Variants in KLHL31 observed in about 807,000 individuals in gnomAD.
The protein encoded by KLHL31 is kelch like family member 31, also known as kelch-like protein 31.
A neutral mutation model predicts 47.1 loss-of-function variants in KLHL31; 32 were observed. That is an observed-to-expected ratio of 0.68 (90% CI 0.51 to 0.91). The LOEUF (loss-of-function observed/expected upper bound fraction) is 0.91. KLHL31 is among the 40% of genes least tolerant of loss of function. The probability of loss-of-function intolerance (pLI) is 0.00; values close to 1 mark genes in which losing one functional copy is unlikely to be tolerated. For synonymous variants in KLHL31, 330 were observed against 325.1 expected (o/e 1.01, Z -0.16); for missense variants, 797 against 819.3 (o/e 0.97, Z 0.33).
At position 53,652,240 on chromosome 6, in the gene KLHL31, C is replaced by T; in HGVS notation, c.1263G>A (p.Val421=). The T allele has an allele frequency of 3.1e-6, 5 of 1,614,016 alleles. No individual in the cohort carries two copies. The highest frequency in any genetic ancestry group is 1.1e-5 in the South Asian group (1 of 91,090). The change falls in exon 3 of 3, where the codon GTG becomes GTA. Residue 421 remains valine, a synonymous_variant. Transcript: ENST00000370905. ...CTGCGTTGCGGCCGCCCGCGGCGTA[C>T]ACGAGCCCGTTGAACACGCTCAGGC... ...HFSLSVFNGL[V]YAAGGRNAEG... is the part of the protein sequence containing the mutation.
intron 1 of KLHL31, among the ~76,000 whole-genome samples, chr6:53,656,484 A>T (rs1187022178): frequency 6.6e-6 from 1 of 152,140 alleles, no homozygotes; most frequent in Non-Finnish European, 1.5e-5. Context: ...GTAGAAACCC[A>T]TATATGTATA....
chr6:53,657,610 T>TTTTGTGTG (rs143174954), intron 1 of KLHL31, among the ~76,000 whole-genome samples: 1 of 138,722 alleles, frequency 7.2e-6, no homozygotes, highest in Admixed American at 7.3e-5. Context: ...TGTTTTTGTT[T>TTTTGTGTG]TGTGTGTGTG....
At position 53,651,525 on chromosome 6, in the gene KLHL31, G is replaced by C; in HGVS notation, c.*73C>G. On this transcript the variant is annotated 3_prime_UTR_variant, in exon 3 of 3. Transcript: ENST00000370905. The stretch of plus-strand genomic sequence containing the variant: ...AAATGTTAAATATTTTCCTTTTCGC[G>C]AACTCAGAGGTTAACCACGTGGCTC... 2.7e-6 allele frequency: 4 copies of C among 1,500,328 alleles called. No homozygotes were observed. In the South Asian group the frequency reaches 3.8e-5, roughly 14 times the overall value. 92.9% of individuals were successfully genotyped at this position (1,500,328 alleles called of 1,614,324 possible). A position where few individuals can be genotyped will look rare whatever the true frequency, so the allele number is the denominator to read the frequency against.
At chr6:53,656,598 CA>C (rs1220344105) in intron 1 of KLHL31, among the ~76,000 whole-genome samples, 8 of 151,946 alleles carry the variant, frequency 5.3e-5, no homozygotes, top group African/African-American at 1.9e-4. Flanking sequence ...ATAAATGTGG[CA>C]CTTAAAAATC....
At chr6:53,662,204 T>A (rs1180651908) in intron 1 of KLHL31, among the ~76,000 whole-genome samples, 1 of 152,182 alleles carries the variant, frequency 6.6e-6, no homozygotes, top group Non-Finnish European at 1.5e-5. Context: ...GAAGGCCATT[T>A]CTCCATTTTT....
chr6:53,660,699 A>G (rs1764632048), intron 1 of KLHL31, among the ~76,000 whole-genome samples: 1 of 152,200 alleles, frequency 6.6e-6, no homozygotes, highest in South Asian at 2.1e-4. Flanking sequence ...CTGTAATCCC[A>G]GCTACTCAGG....
At position 53,651,466 on chromosome 6, in the gene KLHL31, G is replaced by T; in HGVS notation, c.*132C>A. The T allele has an allele frequency of 2.7e-6, 2 of 746,596 alleles. No individual in the cohort carries two copies. Among genetic ancestry groups the T allele is most frequent in the Non-Finnish European group, 4.0e-6 (2 of 503,206 alleles). The allele number at this position is 746,596 out of a possible 1,614,324, so 46.2% of individuals were successfully genotyped here. A position where few individuals can be genotyped will look rare whatever the true frequency, so the allele number is the denominator to read the frequency against. ...GGAATTTAAAGCCATCAGGACATGT[G>T]CCTCGACATATTTTACAATACAATC... On this transcript the variant is annotated 3_prime_UTR_variant, in exon 3 of 3. Transcript: ENST00000370905.
intron 1 of KLHL31, among the ~76,000 whole-genome samples, chr6:53,664,204 C>T (rs908434331): frequency 2.0e-5 from 3 of 152,152 alleles, no homozygotes; most frequent in African/African-American, 7.2e-5. Context: ...TTCAGATAAA[C>T]TATGAATCAT....
chr6:53,662,615 G>A (rs1008877725), intron 1 of KLHL31, among the ~76,000 whole-genome samples: 1 of 152,092 alleles, frequency 6.6e-6, no homozygotes. Flanking sequence ...CTGCTATCAC[G>A]TAGAGCAACC....
rs1764435504 is a variant in KLHL31 at position 53,649,383 on chromosome 6, G to GATTTTC, written c.*2209_*2214dup. ...AGAGTCTGGTAAGCTCAAATATGTGGATTTTCTGAGTCTTCAGATAAACAA... is the reference window on the plus strand; with the variant it reads ...AGAGTCTGGTAAGCTCAAATATGTGGATTTTCATTTTCTGAGTCTTCAGATAAACAA... On this transcript the variant is annotated 3_prime_UTR_variant, in exon 3 of 3. Coordinates refer to ENST00000370905, the MANE Select transcript of KLHL31 (RefSeq NM_001003760.5). 6.6e-6 allele frequency: 1 copy of GATTTTC among 152,060 alleles called. No homozygotes were observed. The highest frequency in any genetic ancestry group is 1.5e-5 in the Non-Finnish European group (1 of 67,962). The allele number at this position is 152,060 out of a possible 1,614,324, so 9.4% of individuals were successfully genotyped here.
chr6:53,652,711 G>A (rs149748567), intron 2 of KLHL31, among the ~76,000 whole-genome samples: 31 of 152,238 alleles, frequency 2.0e-4, no homozygotes, highest in African/African-American at 7.2e-4. Flanking sequence ...CATTTGTGAC[G>A]ATCAGAGGAG....
Position 53,651,419 on chromosome 6 carries a change from A to AAAAAAAAAAAAAAAAAT in KLHL31, c.*178_*179insATTTTTTTTTTTTTTTT, listed in dbSNP as rs3996983. 3 of 358,182 alleles carry AAAAAAAAAAAAAAAAAT rather than the reference A, an allele frequency of 8.4e-6. No homozygotes were observed. Among genetic ancestry groups the AAAAAAAAAAAAAAAAAT allele is most frequent in the Non-Finnish European group, 1.5e-5 (3 of 201,502 alleles). The allele number at this position is 358,182 out of a possible 1,614,324, so 22.2% of individuals were successfully genotyped here. On this transcript the variant is annotated 3_prime_UTR_variant, in exon 3 of 3. Transcript: ENST00000370905. Reference sequence around the variant, plus strand: ...TTTGCTAAAAAAAAAAAAAAAAAAAAGAGGTAGATTATGCCATACCAGGAA... The same window carrying AAAAAAAAAAAAAAAAAT: ...TTTGCTAAAAAAAAAAAAAAAAAAAAAAAAAAAAAAAAAAAATGAGGTAGATTATGCCATACCAGGAA...
rs1327395968 is a variant in KLHL31, at chr6:53,648,041, C to T, written c.*3557G>A. 3 of 152,294 alleles carry T rather than the reference C, an allele frequency of 2.0e-5. No homozygotes were observed. Among genetic ancestry groups the T allele is most frequent in the Non-Finnish European group, 4.4e-5 (3 of 67,958 alleles). The allele number at this position is 152,294 out of a possible 1,614,324, so 9.4% of individuals were successfully genotyped here. A position where few individuals can be genotyped will look rare whatever the true frequency, so the allele number is the denominator to read the frequency against. On this transcript the variant is annotated 3_prime_UTR_variant, in exon 3 of 3. Transcript: ENST00000370905. ...TAAGCAAAGAAAGAAATTTTTTTGC[C>T]AAAATTTGCTGAATAAATAAAAAGT...
At chr6:53,662,755 AAC>A (rs1764665453) in intron 1 of KLHL31, among the ~76,000 whole-genome samples, 1 of 152,234 alleles carries the variant, frequency 6.6e-6, no homozygotes, top group Non-Finnish European at 1.5e-5. Context: ...CCATGTATTC[AAC>A]ACCTGATAAG....
chr6:53,661,947 A>G (rs1467373311), intron 1 of KLHL31, among the ~76,000 whole-genome samples: 1 of 152,174 alleles, frequency 6.6e-6, no homozygotes, highest in Non-Finnish European at 1.5e-5. Context: ...GCAAAGTTGG[A>G]TGAGGGTTTT....
In KLHL31 at chr6:53,649,901, T is replaced by C. The variant is rs1764440992; in HGVS notation, c.*1697A>G. ...GCCCAGCGCTTTTACATTAATAATA[T>C]CTTGTTCTTAATTTACAGCGTTTGT... On this transcript the variant is annotated 3_prime_UTR_variant, in exon 3 of 3. Coordinates refer to ENST00000370905, the MANE Select transcript of KLHL31 (RefSeq NM_001003760.5). 6.6e-6 allele frequency: 1 copy of C among 152,204 alleles called. No homozygotes were observed. Among genetic ancestry groups the C allele is most frequent in the African/African-American group, 2.4e-5 (1 of 41,452 alleles). The allele number at this position is 152,204 out of a possible 1,614,324, so 9.4% of individuals were successfully genotyped here.
chr6:53,657,008 C>T (rs1340025580), intron 1 of KLHL31, among the ~76,000 whole-genome samples: 1 of 130,676 alleles, frequency 7.7e-6, no homozygotes, highest in Admixed American at 9.0e-5. Context: ...TTTTGGTTCA[C>T]TGCAGCCTTG....
chr6:53,654,399 T>C lies in KLHL31; in HGVS notation c.874A>G (p.Met292Val), dbSNP rs762686282. 2.0e-5 allele frequency: 33 copies of C among 1,614,082 alleles called. No individual in the cohort carries two copies. The highest frequency in any genetic ancestry group is 2.6e-5 in the Non-Finnish European group (31 of 1,180,036). ...TGATATGGAAGCAAGTGGTAGTTCA[T>C]AGCATCTACGAGAAGTCTGTGACAA... ...ADCHRLLVDA[M>V]NYHLLPYHQN... The change falls in exon 2 of 3, where the codon ATG (methionine) becomes GTG (valine). Residue 292 changes from methionine (M) to valine (V), a missense_variant. Transcript: ENST00000370905.
In KLHL31 at chr6:53,664,095, C is replaced by T. The variant is rs575897961; in HGVS notation, c.-34+1506G>A. ...CTACTCATTATCAGATAGGGATGAA[C>T]GAACTGAGACAAGGTTTCTTTACAT... On this transcript the variant is annotated intron_variant, in intron 1 of 2. Transcript: ENST00000370905. Among the ~76,000 whole-genome samples, 18 of 152,214 alleles carry T rather than the reference C, an allele frequency of 1.2e-4. No individual in the cohort carries two copies. In the South Asian group the frequency reaches 1.7e-3, roughly 14 times the overall value.
Sources: gnomAD v4.1 joint callset for allele counts (sites outside exome capture counted in the v4.1 genomes callset) on GRCh38, gnomAD v4.1.1 for gene constraint, MANE v1.5 for transcripts, NCBI Gene and HGNC (gene_info 2026-07-23, HGNC 2026-07-21) for gene names.